CHLSN: variants seen among roughly 807,000 people sequenced by gnomAD.
The protein encoded by CHLSN is cholesin.
the CHLSN span, among the ~76,000 whole-genome samples, chr7:1,119,697 C>T: frequency 1.8e-4 from 28 of 152,182 alleles, no homozygotes; most frequent in African/African-American, 6.7e-4. Context: ...GCCAACAAGG[C>T]GAAACCCTGT....
the CHLSN span, among the ~76,000 whole-genome samples, chr7:1,022,597 C>T: frequency 7.2e-5 from 11 of 152,198 alleles, no homozygotes; most frequent in Non-Finnish European, 1.3e-4. Context: ...GCAGAGTAGC[C>T]AGGACCACAT....
the CHLSN span, among the ~76,000 whole-genome samples, chr7:1,052,357 T>A: frequency 6.6e-6 from 1 of 152,288 alleles, no homozygotes; most frequent in African/African-American, 2.4e-5. The surrounding 1 kb of genome is among the most constrained non-coding windows in gnomAD (Gnocchi z 4.2). Context: ...GCCTTGGGGC[T>A]GCTTGTGCTG....
chr7:1,078,218 G>A, the CHLSN span, among the ~76,000 whole-genome samples: 47 of 152,332 alleles, frequency 3.1e-4, no homozygotes, highest in Admixed American at 6.5e-4. Context: ...GATTTCTGCG[G>A]CAGGGCAAGG....
At chr7:1,044,512 T>A in the CHLSN span, 1 of 151,978 alleles carries the variant, frequency 6.6e-6, no homozygotes, top group East Asian at 1.9e-4. Flanking sequence ...GGGCCAGGCA[T>A]GGCTGCCGCT....
chr7:982,167 C>T, the CHLSN span, among the ~76,000 whole-genome samples: 33 of 152,226 alleles, frequency 2.2e-4, no homozygotes, highest in Admixed American at 2.2e-3. Context: ...GCCGCCCAGC[C>T]CTGGCCCTGA....
the CHLSN span, among the ~76,000 whole-genome samples, chr7:1,078,286 GA>G: frequency 2.6e-5 from 4 of 152,106 alleles, no homozygotes; most frequent in Non-Finnish European, 1.5e-5. Flanking sequence ...GGCACGCCTG[GA>G]GAGCGTATAT....
At chr7:1,115,738 G>A in the CHLSN span, among the ~76,000 whole-genome samples, 5 of 110,584 alleles carry the variant, frequency 4.5e-5, 1 homozygote, top group African/African-American at 6.9e-5. Flanking sequence ...CATCACCGAC[G>A]CCCACGCAGG....
At chr7:1,088,156 T>G in the CHLSN span, 1 of 152,394 alleles carries the variant, frequency 6.6e-6, no homozygotes, top group East Asian at 1.9e-4. The surrounding 1 kb of genome is among the most constrained non-coding windows in gnomAD (Gnocchi z 4.5). Flanking sequence ...GCCGGGAACC[T>G]TCCCTCGCGG....
chr7:1,065,646 G>A, the CHLSN span, among the ~76,000 whole-genome samples: 3 of 152,310 alleles, frequency 2.0e-5, no homozygotes, highest in Non-Finnish European at 4.4e-5. Flanking sequence ...GACGAGGGCC[G>A]GGTCTGGGAG....
the CHLSN span, among the ~76,000 whole-genome samples, chr7:1,081,361 G>A: frequency 1.3e-5 from 2 of 152,246 alleles, no homozygotes; most frequent in African/African-American, 4.8e-5. Context: ...ATGAAAGGTG[G>A]GGGAAGGGGA....
the CHLSN span, among the ~76,000 whole-genome samples, chr7:1,010,884 A>G: frequency 6.6e-6 from 1 of 152,062 alleles, no homozygotes; most frequent in Non-Finnish European, 1.5e-5. Context: ...ACATCAGTGT[A>G]GACTCCGAGC....
At chr7:1,100,963 G>A in the CHLSN span, among the ~76,000 whole-genome samples, 1 of 152,140 alleles carries the variant, frequency 6.6e-6, no homozygotes, top group Non-Finnish European at 1.5e-5. Flanking sequence ...GCCTAGGCGG[G>A]GTCTGCAAAG....
At chr7:1,130,338 T>C in the CHLSN span, among the ~76,000 whole-genome samples, 1 of 152,138 alleles carries the variant, frequency 6.6e-6, no homozygotes, top group African/African-American at 2.4e-5. Context: ...GGGCCCCTGA[T>C]GGAGGGGTGC....
At chr7:1,000,573 T>A in the CHLSN span, 14 of 1,585,428 alleles carry the variant, frequency 8.8e-6, no homozygotes, top group Middle Eastern at 3.3e-4. Context: ...AAGACAAACA[T>A]CTCAGGGTGC....
At chr7:1,109,716 G>A in the CHLSN span, among the ~76,000 whole-genome samples, 162 of 146,418 alleles carry the variant, frequency 1.1e-3, no homozygotes, top group African/African-American at 3.8e-3. Flanking sequence ...CTCCCCCGCC[G>A]GGCCCTCCCC....
the CHLSN span, among the ~76,000 whole-genome samples, chr7:1,103,771 C>T: frequency 6.6e-6 from 1 of 152,108 alleles, no homozygotes; most frequent in Admixed American, 6.5e-5. Flanking sequence ...TCCCCAGCCC[C>T]TGAGACGGGT....
chr7:1,016,861 AG>A, the CHLSN span, among the ~76,000 whole-genome samples: 2 of 136,576 alleles, frequency 1.5e-5, no homozygotes, highest in Non-Finnish European at 3.1e-5. Context: ...AGCAGCACAC[AG>A]CACACAGCAG....
At chr7:1,138,189 C>T in the CHLSN span, 2 of 151,474 alleles carry the variant, frequency 1.3e-5, no homozygotes, top group Non-Finnish European at 2.9e-5. Context: ...ACGCGCCTAC[C>T]TGCGCCCACC....
the CHLSN span, among the ~76,000 whole-genome samples, chr7:1,041,315 G>A: frequency 8.6e-4 from 98 of 113,936 alleles, 2 homozygotes; most frequent in Admixed American, 3.3e-3. Context: ...TGGGGTCCGC[G>A]CTGCGGGGAA....
Sources: allele counts gnomAD v4.1 joint callset (sites outside exome capture counted in the v4.1 genomes callset), GRCh38; gene constraint gnomAD v4.1.1; non-coding constraint Gnocchi (gnomAD v3.1); transcripts MANE v1.5; gene names NCBI Gene and HGNC (gene_info 2026-07-23, HGNC 2026-07-21).